Variants in FOXP2 observed in about 807,000 individuals in gnomAD.
FOXP2 encodes forkhead box P2.
A neutral mutation model predicts 115.8 loss-of-function variants in FOXP2; 12 were observed. The ratio of observed to expected loss-of-function variants is 0.10; its 90% CI spans 0.07 to 0.17. The LOEUF (loss-of-function observed/expected upper bound fraction) is 0.17. Ranked by LOEUF, FOXP2 falls within the 10% of genes least tolerant of loss-of-function variation. The pLI is 1.00. For synonymous variants in FOXP2, 328 were observed against 297.7 expected, an observed-to-expected ratio of 1.10 and a Z score of -1.05; for missense variants, 629 against 843.5, an observed-to-expected ratio of 0.75 and a Z score of 3.15.
intron 2 of FOXP2, among the ~76,000 whole-genome samples, chr7:114,290,486 T>A (rs1316243041): frequency 6.6e-6 from 1 of 152,048 alleles, no homozygotes; most frequent in Non-Finnish European, 1.5e-5. Flanking sequence ...CATATATTTA[T>A]AGAAAATTGC....
intron 2 of FOXP2, among the ~76,000 whole-genome samples, chr7:114,493,401 T>C (rs1188824888): frequency 6.6e-6 from 1 of 152,106 alleles, no homozygotes; most frequent in Non-Finnish European, 1.5e-5. Context: ...AACCCTAATA[T>C]AAACTATGGA....
At chr7:114,266,786 A>G (rs1395050912) in intron 1 of FOXP2, among the ~76,000 whole-genome samples, 1 of 152,176 alleles carries the variant, frequency 6.6e-6, no homozygotes, top group Non-Finnish European at 1.5e-5. Context: ...TGAACTTCAT[A>G]TATTTTAGGA....
chr7:114,134,683 A>C lies in FOXP2; in HGVS notation c.-246-28261A>C, dbSNP rs560384552. ...AGCCGAGATCCCGCCACTGCACTCC[A>C]GCCTGGGCGACAGAGCGAGACTCCG... On this transcript the variant is annotated intron_variant, in intron 1 of 19. Coordinates refer to the FOXP2 transcript ENST00000635638. Among the ~76,000 whole-genome samples the C allele has an allele frequency of 2.7e-5, 4 of 146,026 alleles. No homozygotes were observed. The East Asian group carries it at 8.1e-4, about 30-fold the overall frequency.
chr7:114,342,046 A>G (rs1791230782), intron 2 of FOXP2, among the ~76,000 whole-genome samples: 1 of 151,476 alleles, frequency 6.6e-6, no homozygotes, highest in Non-Finnish European at 1.5e-5. Flanking sequence ...AGGCTGTAAT[A>G]TTCCCTGCCA....
At chr7:114,160,967 A>G (rs565103653), upstream of FOXP2, among the ~76,000 whole-genome samples, 6 of 152,316 alleles carry the variant, frequency 3.9e-5, no homozygotes, top group African/African-American at 1.4e-4. Context: ...ATTGTTCTAA[A>G]TGACATGTCA....
At chr7:114,292,360 C>A (rs1288869847) in intron 2 of FOXP2, among the ~76,000 whole-genome samples, 1 of 152,074 alleles carries the variant, frequency 6.6e-6, no homozygotes, top group Non-Finnish European at 1.5e-5. Flanking sequence ...TCTTACAGTA[C>A]AGTTCCCAGC....
At chr7:114,386,188 C>A (rs1239177575) in intron 2 of FOXP2, among the ~76,000 whole-genome samples, 6 of 151,920 alleles carry the variant, frequency 3.9e-5, no homozygotes, top group Non-Finnish European at 8.8e-5. Flanking sequence ...GGATGGTGAG[C>A]GAAAGCTCAG....
chr7:114,260,005 T>G (rs1174164409), intron 1 of FOXP2, among the ~76,000 whole-genome samples: 2 of 152,082 alleles, frequency 1.3e-5, no homozygotes, highest in Non-Finnish European at 2.9e-5. Context: ...TTCTCTTGCC[T>G]CAGCCTTCAG....
intron 2 of FOXP2, among the ~76,000 whole-genome samples, chr7:114,431,544 G>A (rs1794111715): frequency 6.6e-6 from 1 of 151,938 alleles, no homozygotes; most frequent in South Asian, 2.1e-4. Flanking sequence ...GATAGTAACG[G>A]CTGGAATTTT....
chr7:114,387,108 C>T (rs1201279406), intron 2 of FOXP2, among the ~76,000 whole-genome samples: 1 of 152,100 alleles, frequency 6.6e-6, no homozygotes, highest in East Asian at 1.9e-4. Flanking sequence ...AATATAAATA[C>T]ATATATGTTA....
chr7:114,099,925 A>T (rs907401394), intron 1 of FOXP2, among the ~76,000 whole-genome samples: 30 of 152,360 alleles, frequency 2.0e-4, no homozygotes, highest in African/African-American at 6.7e-4. Flanking sequence ...CTGCCAGCAA[A>T]TCAAAATTGA....
chr7:114,403,385 A>G (rs1378481198), intron 2 of FOXP2, among the ~76,000 whole-genome samples: 1 of 152,206 alleles, frequency 6.6e-6, no homozygotes, highest in African/African-American at 2.4e-5. Flanking sequence ...AATTCCTGAG[A>G]CTTACTCAGA....
chr7:114,223,617 G>A (rs916709453), intron 1 of FOXP2, among the ~76,000 whole-genome samples: 10 of 149,626 alleles, frequency 6.7e-5, no homozygotes. Flanking sequence ...ACGGTTTATG[G>A]TGTATTTTTT....
At chr7:114,582,106 C>A (rs1192641080) in intron 3 of FOXP2, among the ~76,000 whole-genome samples, 2 of 151,938 alleles carry the variant, frequency 1.3e-5, no homozygotes, top group Non-Finnish European at 2.9e-5. Flanking sequence ...AATGAAAAGA[C>A]TAAAAATGCA....
intron 1 of FOXP2, among the ~76,000 whole-genome samples, chr7:114,217,696 G>A (rs762716871): frequency 2.0e-5 from 3 of 152,062 alleles, no homozygotes; most frequent in Non-Finnish European, 4.4e-5. Flanking sequence ...AAGTCTAATG[G>A]GTACCACAAT....
intron 1 of FOXP2, among the ~76,000 whole-genome samples, chr7:114,230,130 A>C (rs1214482343): frequency 6.6e-6 from 1 of 151,900 alleles, no homozygotes; most frequent in African/African-American, 2.4e-5. Context: ...GACCTAGAAG[A>C]AATAAATAAA....
At chr7:114,420,740 AT>A (rs1793584352) in intron 1 of FOXP2, among the ~76,000 whole-genome samples, 2 of 151,812 alleles carry the variant, frequency 1.3e-5, no homozygotes, top group Non-Finnish European at 2.9e-5. Context: ...TAAGCTTCCT[AT>A]CCCCCTTGTT....
chr7:114,139,193 A>G (rs964708493), intron 1 of FOXP2, among the ~76,000 whole-genome samples: 1 of 152,172 alleles, frequency 6.6e-6, no homozygotes, highest in East Asian at 1.9e-4. Flanking sequence ...ACTTTTTGGT[A>G]GGTATTACTA....
rs116389310 is a variant in FOXP2, at chr7:114,568,608, C to T, written c.258+33902C>T. ...GAGCTAAAAATGGGGAACATTCTCA[C>T]GGTGAAGCCTCAGGCAGCTTCCATC... On this transcript the variant is annotated intron_variant, in intron 3 of 16. Coordinates refer to ENST00000350908, the MANE Select transcript of FOXP2 (RefSeq NM_014491.4). 5.1e-3 allele frequency among the ~76,000 whole-genome samples: 778 copies of T among 151,844 alleles called. 7 individuals carry two copies. Among genetic ancestry groups the T allele is most frequent in the African/African-American group, 0.018 (747 of 41,458 alleles).
Sources: gnomAD v4.1 joint callset for allele counts (sites outside exome capture counted in the v4.1 genomes callset) on GRCh38, gnomAD v4.1.1 for gene constraint, MANE v1.5 for transcripts, NCBI Gene and HGNC (gene_info 2026-07-23, HGNC 2026-07-21) for gene names.